PLEKHG4B: variants seen among roughly 807,000 people sequenced by gnomAD.
PLEKHG4B encodes the protein pleckstrin homology domain-containing family G member 4B.
A neutral mutation model predicts 121.3 loss-of-function variants in PLEKHG4B; 111 were observed. The observed-to-expected ratio is 0.92, with a 90% CI of 0.78 to 1.07. The LOEUF is 1.07. Ranked by LOEUF, PLEKHG4B falls within the 50% of genes least tolerant of loss-of-function variation. The probability of loss-of-function intolerance (pLI) is 0.00; values close to 1 mark genes in which losing one functional copy is unlikely to be tolerated. For missense variants in PLEKHG4B, 1,831 were observed against 1,757.8 expected (o/e 1.04, Z -0.74); for synonymous variants, 738 against 725.0 (o/e 1.02, Z -0.29).
At chr5:109,396 C>CAAA (rs1423385633) in intron 1 of PLEKHG4B, among the ~76,000 whole-genome samples, 1 of 100,888 alleles carries the variant, frequency 9.9e-6, no homozygotes, top group African/African-American at 8.4e-5. Flanking sequence ...GACTCTGTCT[C>CAAA]CAAAAAAAAA....
intron 12 of PLEKHG4B, among the ~76,000 whole-genome samples, chr5:162,270 C>T (rs1736037918): frequency 1.4e-5 from 1 of 70,826 alleles, no homozygotes; most frequent in African/African-American, 6.1e-5. Context: ...TGCGAGCTCC[C>T]ACGCGCCCCA....
In PLEKHG4B at chr5:151,583, A is replaced by G. The variant is rs567050139; in HGVS notation, c.1976A>G (p.Lys659Arg). ...AAAGAATCTGCATTTAGGCCTGACA[A>G]GGATGCAATAATTCAGGTAATGGTT... is the stretch of plus-strand genomic sequence containing the variant. ...VDKESAFRPD[K>R]DAIIQCEVVS... The change falls in exon 7 of 20, where the codon AAG becomes AGG. Residue 659 changes from lysine to arginine, a missense_variant. Lys to Arg is a conservative substitution (Grantham distance 26). Transcript: ENST00000637938. 1.3e-6 allele frequency: 2 copies of G among 1,585,212 alleles called. No homozygotes were observed. Among genetic ancestry groups the G allele is most frequent in the East Asian group, 2.2e-5 (1 of 44,686 alleles).
chr5:181,650 C>A lies in PLEKHG4B; in HGVS notation c.4539C>A (p.Val1513=). 2 of 1,613,768 alleles carry A rather than the reference C, an allele frequency of 1.2e-6. No individual in the cohort carries two copies. The highest frequency in any genetic ancestry group is 1.7e-6 in the Non-Finnish European group (2 of 1,179,928). Residue 1513 remains valine (V), a synonymous_variant, in exon 19 of 20, where the codon GTC becomes GTA. Transcript: ENST00000637938. The part of the protein sequence containing the change: ...APKCAVMSDR[V]PDSIVKGTES... Reference sequence around the variant, plus strand: ...AATGTGCAGTGATGAGCGACCGAGTCCCCGACAGCATCGTCAAGGGCACAG... The same window carrying A: ...AATGTGCAGTGATGAGCGACCGAGTACCCGACAGCATCGTCAAGGGCACAG...
intron 18 of PLEKHG4B, among the ~76,000 whole-genome samples, chr5:180,332 C>T (rs1395312621): frequency 1.3e-5 from 2 of 152,198 alleles, no homozygotes; most frequent in African/African-American, 4.8e-5. Flanking sequence ...TCCATGCTCC[C>T]TTTTCAGGTC....
chr5:141,401 G>T (rs1008620371), intron 3 of PLEKHG4B, among the ~76,000 whole-genome samples: 1 of 149,666 alleles, frequency 6.7e-6, no homozygotes, highest in African/African-American at 2.5e-5. Flanking sequence ...CACCCATCCC[G>T]CCTCTTCCAG....
intron 1 of PLEKHG4B, among the ~76,000 whole-genome samples, chr5:96,623 T>A (rs1374304847): frequency 2.0e-5 from 3 of 152,198 alleles, no homozygotes; most frequent in Non-Finnish European, 4.4e-5. Flanking sequence ...AACAAGCATT[T>A]AGTCAGTCTG....
intron 16 of PLEKHG4B, among the ~76,000 whole-genome samples, chr5:172,669 G>T (rs901456609): frequency 9.9e-5 from 15 of 152,240 alleles, no homozygotes; most frequent in African/African-American, 3.6e-4. Flanking sequence ...AGGGTTGGGG[G>T]GAACTGGGTG....
At chr5:146,781 A>C (rs923588406) in intron 6 of PLEKHG4B, among the ~76,000 whole-genome samples, 3 of 133,064 alleles carry the variant, frequency 2.3e-5, no homozygotes, top group African/African-American at 5.7e-5. Flanking sequence ...TGCTGCCACC[A>C]CTTCTCTCCC....
In PLEKHG4B at chr5:176,267, T is replaced by A. The variant is rs555039020; in HGVS notation, c.4402+2169T>A. ...AGCCTTCCTGGCCTTTTTCCTTCCT[T>A]TGTAACCCACGGTCCTGCTTCCTGT... On this transcript the variant is annotated intron_variant, in intron 18 of 19. Transcript: ENST00000637938. 4.2e-4 allele frequency among the ~76,000 whole-genome samples: 23 copies of A among 54,180 alleles called. 6 individuals are homozygous for A. Among genetic ancestry groups the A allele is most frequent in the Non-Finnish European group, 1.5e-3 (21 of 14,306 alleles). 35.5% of individuals were successfully genotyped at this position (54,180 alleles called of 152,430 possible).
intron 11 of PLEKHG4B, among the ~76,000 whole-genome samples, chr5:160,964 C>G (rs980418865): frequency 1.3e-5 from 2 of 152,188 alleles, no homozygotes; most frequent in Admixed American, 1.3e-4. Flanking sequence ...TGGTCTGTCT[C>G]TCCTCTGCTG....
At chr5:143,709 G>C (rs1735309642) in intron 5 of PLEKHG4B, among the ~76,000 whole-genome samples, 1 of 152,176 alleles carries the variant, frequency 6.6e-6, no homozygotes, top group Non-Finnish European at 1.5e-5. Context: ...ATCCTTCCCA[G>C]TGACACCCAC....
chr5:95,469 G>C (rs1419333164), intron 1 of PLEKHG4B, among the ~76,000 whole-genome samples: 1 of 152,150 alleles, frequency 6.6e-6, no homozygotes, highest in African/African-American at 2.4e-5. Flanking sequence ...AGCCGACTTC[G>C]CCATGCCCTG....
intron 2 of PLEKHG4B, among the ~76,000 whole-genome samples, chr5:114,824 G>A (rs956542613): frequency 1.3e-5 from 2 of 152,232 alleles, no homozygotes; most frequent in African/African-American, 4.8e-5. Flanking sequence ...ACATCTTCAG[G>A]CTCCACTTCT....
chr5:164,559 T>TGTGA lies in PLEKHG4B; in HGVS notation c.3476+1011_3476+1012insGTGA, dbSNP rs1456857789. 1.8e-4 allele frequency among the ~76,000 whole-genome samples: 21 copies of TGTGA among 116,696 alleles called. 1 individual carries two copies. Among genetic ancestry groups the TGTGA allele is most frequent in the African/African-American group, 9.0e-4 (21 of 23,314 alleles). 76.6% of individuals were successfully genotyped at this position (116,696 alleles called of 152,430 possible). ...GGGGGCGGAGCTCACACAGTAATGC[T>TGTGA]CTGACAGGGGGCGGAGCTCACACAG... On this transcript the variant is annotated intron_variant, in intron 13 of 19. Transcript: ENST00000637938.
At chr5:93,289 A>G (rs568510343) in intron 1 of PLEKHG4B, among the ~76,000 whole-genome samples, 13 of 152,024 alleles carry the variant, frequency 8.6e-5, no homozygotes, top group South Asian at 2.1e-4. Flanking sequence ...TCTTCATGTA[A>G]TGTGGACAAA....
chr5:120,535 C>T (rs1418758603), intron 2 of PLEKHG4B, among the ~76,000 whole-genome samples: 2 of 152,164 alleles, frequency 1.3e-5, no homozygotes, highest in Non-Finnish European at 2.9e-5. Context: ...TGAGGCTGGG[C>T]TGAAAGGTGG....
intron 2 of PLEKHG4B, among the ~76,000 whole-genome samples, chr5:119,759 G>A (rs1454838632): frequency 6.6e-6 from 1 of 152,194 alleles, no homozygotes; most frequent in Non-Finnish European, 1.5e-5. Context: ...GCCCACTAGA[G>A]AAGGACCTTC....
At chr5:162,241 C>T (rs1291360405) in intron 12 of PLEKHG4B, among the ~76,000 whole-genome samples, 1 of 151,360 alleles carries the variant, frequency 6.6e-6, no homozygotes, top group Non-Finnish European at 1.5e-5. Flanking sequence ...TAAACAAGTG[C>T]TACAGCAGAC....
Position 182,559 on chromosome 5 carries a change from A to G in PLEKHG4B, c.*236A>G. ...CAAACCTTCCACTTCCACCCAAGACAACAGCATAGGAAACAGACCTAAAAC... is the reference window on the plus strand; with the variant it reads ...CAAACCTTCCACTTCCACCCAAGACGACAGCATAGGAAACAGACCTAAAAC... On this transcript the variant is annotated 3_prime_UTR_variant, in exon 20 of 20. Coordinates refer to ENST00000637938, the MANE Select transcript of PLEKHG4B (RefSeq NM_052909.5). 1.8e-6 allele frequency: 1 copy of G among 546,914 alleles called. No individual in the cohort carries two copies. The highest frequency in any genetic ancestry group is 3.3e-6 in the Non-Finnish European group (1 of 307,644). 33.9% of individuals were successfully genotyped at this position (546,914 alleles called of 1,614,324 possible). A position where few individuals can be genotyped will look rare whatever the true frequency, so the allele number is the denominator to read the frequency against.
Sources: gnomAD v4.1 joint callset for allele counts (sites outside exome capture counted in the v4.1 genomes callset) on GRCh38, gnomAD v4.1.1 for gene constraint, MANE v1.5 for transcripts, NCBI Gene and HGNC (gene_info 2026-07-23, HGNC 2026-07-21) for gene names.